The following HDAC9 variants were observed in gnomAD, a reference collection of about 807,000 sequenced individuals.
HDAC9 encodes the protein MEF-2 interacting transcription repressor (MITR) protein.
HDAC9 carries 41 observed loss-of-function variants against 139.4 expected under a neutral mutation model. The ratio of observed to expected loss-of-function variants is 0.29; its 90% CI spans 0.23 to 0.38. The LOEUF (loss-of-function observed/expected upper bound fraction) is 0.38, where lower values mean the gene tolerates loss of function less well. HDAC9 is among the 10% of genes least tolerant of loss of function. The pLI is 1.00. For synonymous variants in HDAC9, 517 were observed against 476.2 expected (o/e 1.09, Z -1.12); for missense variants, 1,147 against 1,297.0 (o/e 0.88, Z 1.78).
chr7:18,149,146 T>A (rs2128117404), intron 1 of HDAC9, among the ~76,000 whole-genome samples: 1 of 152,294 alleles, frequency 6.6e-6, no homozygotes, highest in South Asian at 2.1e-4. Flanking sequence ...TGTTTTGGTA[T>A]CTCATTGAGC....
intron 1 of HDAC9, among the ~76,000 whole-genome samples, chr7:18,413,109 T>C (rs1788727967): frequency 6.6e-6 from 1 of 152,202 alleles, no homozygotes. Context: ...TAGTTTTAGC[T>C]ACCAACTAAA....
chr7:18,167,418 A>G (rs1269991041), intron 2 of HDAC9, among the ~76,000 whole-genome samples: 1 of 152,162 alleles, frequency 6.6e-6, no homozygotes, highest in Admixed American at 6.5e-5. Context: ...TTGTTTTTAT[A>G]TTTGCTTTTC....
intron 17 of HDAC9, among the ~76,000 whole-genome samples, chr7:18,812,011 C>T (rs1033527723): frequency 3.3e-5 from 5 of 151,792 alleles, no homozygotes; most frequent in African/African-American, 1.2e-4. Context: ...TGCAATCCTC[C>T]GTATACTTTG....
chr7:18,670,746 C>G (rs994609304), intron 12 of HDAC9, among the ~76,000 whole-genome samples: 1 of 151,994 alleles, frequency 6.6e-6, no homozygotes, highest in Non-Finnish European at 1.5e-5. Context: ...GATATGCTTA[C>G]TTCTGTCCAA....
chr7:18,638,104 A>C (rs1419456865), intron 8 of HDAC9, among the ~76,000 whole-genome samples: 1 of 152,070 alleles, frequency 6.6e-6, no homozygotes, highest in Non-Finnish European at 1.5e-5. Context: ...ACCGTTTACA[A>C]AATTGGCTTA....
chr7:18,220,116 A>G lies in HDAC9; in HGVS notation c.25+57767A>G, dbSNP rs117404533. Among the ~76,000 whole-genome samples the G allele has an allele frequency of 3.5e-3, 530 of 152,206 alleles. 8 individuals are homozygous for G. Among genetic ancestry groups the G allele is most frequent in the Admixed American group, 0.029 (444 of 15,294 alleles). ...TGGAAATGTGTACTATTCTTAACAT[A>G]AGTAGTTGGAAGGGGAGATCTTCAC... On this transcript the variant is annotated intron_variant, in intron 2 of 12. Coordinates refer to the HDAC9 transcript ENST00000417496.
chr7:18,640,357 T>TAAAAAAAAAA (rs56655676), intron 8 of HDAC9, among the ~76,000 whole-genome samples: 2 of 66,082 alleles, frequency 3.0e-5, no homozygotes, highest in Non-Finnish European at 5.7e-5. Flanking sequence ...GATCCTGTCT[T>TAAAAAAAAAA]AAAAAAAAAA....
chr7:18,264,732 A>G (rs1371809327), intron 2 of HDAC9, among the ~76,000 whole-genome samples: 1 of 152,216 alleles, frequency 6.6e-6, no homozygotes, highest in Non-Finnish European at 1.5e-5. Flanking sequence ...TTTCTTTCTA[A>G]TGGAATAGAC....
intron 14 of HDAC9, among the ~76,000 whole-genome samples, chr7:18,751,969 A>G (rs1788487755): frequency 6.6e-6 from 1 of 152,138 alleles, no homozygotes. Flanking sequence ...TTTACTAAAC[A>G]CAATGGAAGC....
chr7:18,504,975 T>A (rs1450275422), intron 2 of HDAC9, among the ~76,000 whole-genome samples: 1 of 152,196 alleles, frequency 6.6e-6, no homozygotes, highest in Non-Finnish European at 1.5e-5. Flanking sequence ...TAGACAGACT[T>A]CTTAATCCTG....
At chr7:18,444,400 A>G (rs1194550166) in intron 1 of HDAC9, among the ~76,000 whole-genome samples, 1 of 151,176 alleles carries the variant, frequency 6.6e-6, no homozygotes, top group Non-Finnish European at 1.5e-5. Context: ...ATAATGAAGT[A>G]CATGTCTCAA....
intron 12 of HDAC9, among the ~76,000 whole-genome samples, chr7:18,715,244 T>G (rs1784617081): frequency 1.5e-5 from 2 of 132,020 alleles, no homozygotes; most frequent in African/African-American, 8.0e-5. Context: ...GGGAAAGTGT[T>G]TTTTTTTTTT....
chr7:18,248,021 G>C (rs976334994), intron 2 of HDAC9, among the ~76,000 whole-genome samples: 3 of 152,006 alleles, frequency 2.0e-5, no homozygotes, highest in African/African-American at 7.2e-5. Flanking sequence ...TTTCCTCCTA[G>C]TTTCTTGGAA....
intron 22 of HDAC9, among the ~76,000 whole-genome samples, chr7:18,920,037 G>A (rs1353732678): frequency 6.6e-6 from 1 of 152,134 alleles, no homozygotes; most frequent in Non-Finnish European, 1.5e-5. Context: ...TGTGAAGAAA[G>A]TCATTGGTAG....
intron 13 of HDAC9, among the ~76,000 whole-genome samples, chr7:18,738,684 C>A (rs549653793): frequency 1.3e-5 from 2 of 152,138 alleles, no homozygotes; most frequent in African/African-American, 4.8e-5. Flanking sequence ...TGTCTGGCTG[C>A]CCTTAACACT....
chr7:18,675,492 A>G (rs1316609528), intron 12 of HDAC9, among the ~76,000 whole-genome samples: 1 of 152,078 alleles, frequency 6.6e-6, no homozygotes, highest in Non-Finnish European at 1.5e-5. Flanking sequence ...CATAATGGGT[A>G]CACAGTAAAA....
intron 1 of HDAC9, among the ~76,000 whole-genome samples, chr7:18,350,382 C>T (rs543743156): frequency 2.6e-5 from 4 of 152,294 alleles, no homozygotes; most frequent in Admixed American, 2.6e-4. Context: ...CATTTAGCAA[C>T]TGTCAGTGAC....
intron 12 of HDAC9, among the ~76,000 whole-genome samples, chr7:18,708,616 G>T (rs986435418): frequency 1.1e-4 from 17 of 152,182 alleles, no homozygotes; most frequent in African/African-American, 4.1e-4. Flanking sequence ...GAAGGGAATG[G>T]AAGCCAGGTG....
intron 2 of HDAC9, among the ~76,000 whole-genome samples, chr7:18,268,975 C>T (rs190348257): frequency 6.6e-6 from 1 of 152,292 alleles, no homozygotes; most frequent in East Asian, 1.9e-4. Flanking sequence ...GGTACAATCT[C>T]ATTTTATACA....
Sources: allele counts gnomAD v4.1 joint callset (sites outside exome capture counted in the v4.1 genomes callset), GRCh38; gene constraint gnomAD v4.1.1; transcripts MANE v1.5; gene names NCBI Gene and HGNC (gene_info 2026-07-23, HGNC 2026-07-21).